Variants in WWOX observed in about 807,000 individuals in gnomAD.
WWOX encodes the protein WW domain containing oxidoreductase, also known as WW domain-containing oxidoreductase.
Under a neutral mutation model 46.2 loss-of-function variants are expected in WWOX, and 69 were observed. That is an observed-to-expected ratio of 1.49 (90% confidence interval 1.23 to 1.82). The LOEUF is 1.82. Ranked by LOEUF, WWOX falls within the 40% of genes most tolerant of loss-of-function variation. The pLI is 0.00. For synonymous variants in WWOX, 359 were observed against 202.6 expected (o/e 1.77, Z -6.56); for missense variants, 919 against 542.6 (o/e 1.69, Z -6.89).
intron 8 of WWOX, chr16:78,895,708 T>G (rs1327608504): frequency 2.0e-5 from 3 of 152,244 alleles, no homozygotes; most frequent in Non-Finnish European, 4.4e-5. Context: ...CTTCAAAAAG[T>G]TCATTGGTCA....
rs142144071 is a variant in WWOX, at chr16:79,026,525, A to G, written c.1057-185083A>G. Among the ~76,000 whole-genome samples, 666 of 151,106 alleles carry G rather than the reference A, an allele frequency of 4.4e-3. 23 individuals are homozygous for G. Among genetic ancestry groups the G allele is most frequent in the African/African-American group, 0.015 (619 of 40,738 alleles). On this transcript the variant is annotated intron_variant, in intron 8 of 8. Coordinates refer to ENST00000566780, the MANE Select transcript of WWOX (RefSeq NM_016373.4). ...CAGGGTCCATTTTCTGCTCCAGACA[A>G]TGATCTCTATCTAGAAAGAATCATG...
In WWOX at chr16:78,831,769, C is replaced by G. The variant is rs185471817; in HGVS notation, c.1057-379839C>G. ...ATACTAGTGAAAATAATGATTATAACTATGACCTCCAGAAGCTTTTACTGA... is the reference window on the plus strand; with the variant it reads ...ATACTAGTGAAAATAATGATTATAAGTATGACCTCCAGAAGCTTTTACTGA... On this transcript the variant is annotated intron_variant, in intron 8 of 8. Transcript: ENST00000566780. Among the ~76,000 whole-genome samples, 42 of 152,314 alleles carry G rather than the reference C, an allele frequency of 2.8e-4. No homozygotes were observed. The East Asian group carries it at 7.3e-3, about 27-fold the overall frequency.
At chr16:78,454,726 A>C (rs74658994) in intron 8 of WWOX, among the ~76,000 whole-genome samples, 20 of 152,198 alleles carry the variant, frequency 1.3e-4, no homozygotes, top group African/African-American at 4.8e-4. Context: ...CGAACTCTCA[A>C]CGTCAGGTGA....
intron 6 of WWOX, among the ~76,000 whole-genome samples, chr16:78,399,253 G>A (rs576798449): frequency 6.6e-6 from 1 of 152,344 alleles, no homozygotes; most frequent in African/African-American, 2.4e-5. Context: ...CTTCTAAGGT[G>A]CCGATTCTCA....
chr16:78,660,696 T>C (rs745426531), intron 8 of WWOX, among the ~76,000 whole-genome samples: 1 of 152,182 alleles, frequency 6.6e-6, no homozygotes, highest in Non-Finnish European at 1.5e-5. Context: ...TAGTAAAATT[T>C]CTTTCATTCC....
chr16:78,709,435 C>T (rs545319028), intron 8 of WWOX, among the ~76,000 whole-genome samples: 2 of 151,448 alleles, frequency 1.3e-5, no homozygotes, highest in African/African-American at 4.9e-5. Flanking sequence ...AGTAATCGGG[C>T]TCTGTCAGAT....
intron 8 of WWOX, among the ~76,000 whole-genome samples, chr16:79,069,373 A>G (rs1169234460): frequency 6.6e-6 from 1 of 152,166 alleles, no homozygotes; most frequent in Non-Finnish European, 1.5e-5. Context: ...AACAAATTCA[A>G]AACAGCTTTA....
At chr16:78,631,173 C>T (rs192470903) in intron 8 of WWOX, among the ~76,000 whole-genome samples, 16 of 152,174 alleles carry the variant, frequency 1.1e-4, no homozygotes, top group African/African-American at 3.6e-4. Context: ...GGGGGGGTTC[C>T]TTGAACCAGT....
chr16:78,660,109 C>G (rs2047177333), intron 8 of WWOX, among the ~76,000 whole-genome samples: 1 of 152,184 alleles, frequency 6.6e-6, no homozygotes, highest in African/African-American at 2.4e-5. Flanking sequence ...TTTTAGCAAG[C>G]TTTTTGGATC....
chr16:79,167,385 C>T (rs2050615791), intron 8 of WWOX, among the ~76,000 whole-genome samples: 2 of 152,016 alleles, frequency 1.3e-5, no homozygotes, highest in Non-Finnish European at 2.9e-5. Flanking sequence ...TGGTTTTTTT[C>T]TGTAGTGTGT....
At chr16:78,321,420 GTATA>G in intron 5 of WWOX, among the ~76,000 whole-genome samples, 1 of 126,784 alleles carries the variant, frequency 7.9e-6, no homozygotes, top group Middle Eastern at 4.2e-3. Flanking sequence ...ATATATGTGT[GTATA>G]TATATATATA....
chr16:78,704,385 T>C (rs1050315581), intron 8 of WWOX, among the ~76,000 whole-genome samples: 4 of 152,150 alleles, frequency 2.6e-5, no homozygotes, highest in Non-Finnish European at 5.9e-5. Flanking sequence ...AATGCTTGGT[T>C]TTATCTTTTA....
chr16:78,244,151 C>T (rs1003997853), intron 5 of WWOX, among the ~76,000 whole-genome samples: 2 of 152,118 alleles, frequency 1.3e-5, no homozygotes, highest in South Asian at 4.2e-4. Context: ...CTTGATACCT[C>T]GTAACCTCAG....
At chr16:78,502,332 C>A (rs116992712) in intron 8 of WWOX, among the ~76,000 whole-genome samples, 2 of 152,286 alleles carry the variant, frequency 1.3e-5, no homozygotes, top group Non-Finnish European at 2.9e-5. Context: ...TTAGTCATCA[C>A]CCCAAATACC....
chr16:78,893,441 T>G (rs575117745), intron 8 of WWOX, among the ~76,000 whole-genome samples: 2 of 152,244 alleles, frequency 1.3e-5, no homozygotes, highest in South Asian at 4.1e-4. Flanking sequence ...TTTTCTTTTA[T>G]TTTTCTGTTG....
At chr16:79,048,255 C>T (rs892872849) in intron 8 of WWOX, among the ~76,000 whole-genome samples, 4 of 143,826 alleles carry the variant, frequency 2.8e-5, no homozygotes, top group Admixed American at 2.7e-4. Flanking sequence ...GTGTTTTCAG[C>T]TGAGAAAAGT....
intron 6 of WWOX, among the ~76,000 whole-genome samples, chr16:78,410,106 C>T (rs1456658831): frequency 2.0e-5 from 3 of 152,168 alleles, no homozygotes; most frequent in Non-Finnish European, 2.9e-5. Context: ...TATCTGGCAC[C>T]TTCCTTCCTC....
At chr16:78,352,246 A>C (rs148633626) in intron 5 of WWOX, among the ~76,000 whole-genome samples, 1 of 152,344 alleles carries the variant, frequency 6.6e-6, no homozygotes, top group African/African-American at 2.4e-5. Flanking sequence ...CATGTTACAT[A>C]ACTGTATTTT....
At chr16:78,815,544 T>A (rs75577658) in intron 8 of WWOX, among the ~76,000 whole-genome samples, 1 of 152,160 alleles carries the variant, frequency 6.6e-6, no homozygotes, top group Non-Finnish European at 1.5e-5. Context: ...ATTTGAAATC[T>A]CAGACCATGA....
Sources: allele counts gnomAD v4.1 joint callset (sites outside exome capture counted in the v4.1 genomes callset), GRCh38; gene constraint gnomAD v4.1.1; transcripts MANE v1.5; gene names NCBI Gene and HGNC (gene_info 2026-07-23, HGNC 2026-07-21).